Variants in PTPRD observed in about 807,000 individuals in gnomAD.
PTPRD encodes protein tyrosine phosphatase receptor type D.
In PTPRD, 34 loss-of-function variants were observed where a neutral mutation model predicts 214.5. The ratio of observed to expected loss-of-function variants is 0.16; its 90% CI spans 0.12 to 0.21. PTPRD has a LOEUF of 0.21. Ranked by LOEUF, PTPRD falls within the 10% of genes least tolerant of loss-of-function variation. The pLI, the probability that PTPRD is intolerant of heterozygous loss-of-function variation, is 1.00. For synonymous variants in PTPRD, 1,128 were observed against 845.7 expected (o/e 1.33, Z -5.79); for missense variants, 2,545 against 2,398.7 (o/e 1.06, Z -1.27).
chr9:8,548,830 G>C (rs1477152380), intron 14 of PTPRD, among the ~76,000 whole-genome samples: 3 of 151,494 alleles, frequency 2.0e-5, no homozygotes, highest in African/African-American at 7.3e-5. Flanking sequence ...GAGTAGCTGG[G>C]ATTACAGGCA....
At chr9:8,631,391 G>A (rs779108225) in intron 14 of PTPRD, among the ~76,000 whole-genome samples, 1 of 151,704 alleles carries the variant, frequency 6.6e-6, no homozygotes, top group East Asian at 1.9e-4. Context: ...TGATGGTTGG[G>A]CTTACTGTCG....
chr9:8,782,458 A>G lies in PTPRD; in HGVS notation c.-103-48512T>C, dbSNP rs550495820. ...TCTCCTGAACTTACTCCTCCTATCT[A>G]ACTGTAATTTTATATCCTCAATTTC... On this transcript the variant is annotated intron_variant, in intron 11 of 45. Transcript: ENST00000381196. Among the ~76,000 whole-genome samples the G allele has an allele frequency of 2.3e-4, 35 of 152,198 alleles. No individual in the cohort carries two copies. The South Asian group carries it at 6.6e-3, about 29-fold the overall frequency.
At chr9:9,735,706 T>C (rs941340042) in intron 6 of PTPRD, among the ~76,000 whole-genome samples, 10 of 152,084 alleles carry the variant, frequency 6.6e-5, no homozygotes, top group African/African-American at 2.2e-4. Context: ...GTCATATTAT[T>C]AGAGACCTTA....
intron 5 of PTPRD, among the ~76,000 whole-genome samples, chr9:9,874,971 C>G (rs1017354090): frequency 6.6e-6 from 1 of 152,050 alleles, no homozygotes; most frequent in Non-Finnish European, 1.5e-5. Context: ...AGCTTTTGTC[C>G]AATCATTTGA....
chr9:9,748,297 T>C (rs2154462129), intron 6 of PTPRD, among the ~76,000 whole-genome samples: 1 of 152,318 alleles, frequency 6.6e-6, no homozygotes, highest in Non-Finnish European at 1.5e-5. Flanking sequence ...CTTTGCATAT[T>C]TGCATGAATG....
At chr9:9,823,856 G>A (rs1056576200) in intron 5 of PTPRD, among the ~76,000 whole-genome samples, 1 of 151,978 alleles carries the variant, frequency 6.6e-6, no homozygotes, top group Non-Finnish European at 1.5e-5. Context: ...AAAATAATTA[G>A]AGGAGCAAAT....
At chr9:9,529,570 A>C (rs930093961) in intron 8 of PTPRD, among the ~76,000 whole-genome samples, 1 of 152,158 alleles carries the variant, frequency 6.6e-6, no homozygotes, top group African/African-American at 2.4e-5. Flanking sequence ...ACAAAACCAC[A>C]GAAAATCACA....
intron 39 of PTPRD, among the ~76,000 whole-genome samples, chr9:8,366,688 C>T (rs1269322094): frequency 2.0e-5 from 3 of 151,968 alleles, no homozygotes; most frequent in African/African-American, 7.3e-5. Flanking sequence ...TATCTTTGGC[C>T]TCCATTAAAC....
chr9:8,815,009 T>C (rs1346566664), intron 11 of PTPRD, among the ~76,000 whole-genome samples: 4 of 152,198 alleles, frequency 2.6e-5, no homozygotes, highest in African/African-American at 9.6e-5. Context: ...TTCTCAACTA[T>C]AGCCAAATCT....
intron 2 of PTPRD, among the ~76,000 whole-genome samples, chr9:10,350,672 A>G (rs2097166614): frequency 6.6e-6 from 1 of 152,190 alleles, no homozygotes; most frequent in Admixed American, 6.5e-5. Flanking sequence ...AAAACAGTCT[A>G]TACTGTATTA....
intron 3 of PTPRD, among the ~76,000 whole-genome samples, chr9:10,312,877 T>C (rs946419059): frequency 2.6e-5 from 4 of 151,938 alleles, no homozygotes; most frequent in Non-Finnish European, 4.4e-5. Context: ...ATATAAAATT[T>C]CTTGTCATCT....
chr9:9,497,279 AAAAT>A (rs1190031571), intron 8 of PTPRD, among the ~76,000 whole-genome samples: 1 of 152,160 alleles, frequency 6.6e-6, no homozygotes, highest in Non-Finnish European at 1.5e-5. Flanking sequence ...CTCAATTTAA[AAAAT>A]AAAGTAAATG....
intron 3 of PTPRD, among the ~76,000 whole-genome samples, chr9:10,132,066 A>G (rs1205048394): frequency 2.6e-5 from 4 of 152,182 alleles, no homozygotes; most frequent in Non-Finnish European, 1.5e-5. Flanking sequence ...TAAATAAAAA[A>G]TATTGAGGCA....
At chr9:9,972,557 A>C (rs1389479493) in intron 4 of PTPRD, among the ~76,000 whole-genome samples, 1 of 152,232 alleles carries the variant, frequency 6.6e-6, no homozygotes, top group Admixed American at 6.5e-5. Context: ...TATTGCTACC[A>C]TAATACATTA....
chr9:8,755,299 G>A (rs1278175446), intron 11 of PTPRD, among the ~76,000 whole-genome samples: 1 of 151,718 alleles, frequency 6.6e-6, no homozygotes, highest in East Asian at 1.9e-4. Context: ...GGAGGCCGAG[G>A]TGGACGGATC....
chr9:8,721,027 T>C (rs937635660), intron 12 of PTPRD, among the ~76,000 whole-genome samples: 2 of 150,316 alleles, frequency 1.3e-5, no homozygotes, highest in Non-Finnish European at 2.9e-5. Context: ...GGTCATCTAC[T>C]CTGACCCTTG....
At chr9:8,463,654 C>G (rs1249380794) in intron 32 of PTPRD, among the ~76,000 whole-genome samples, 1 of 151,864 alleles carries the variant, frequency 6.6e-6, no homozygotes, top group Non-Finnish European at 1.5e-5. Flanking sequence ...ATGATACCAG[C>G]CTAATGAAAA....
chr9:10,103,376 A>ATT (rs2098584117), intron 3 of PTPRD, among the ~76,000 whole-genome samples: 1 of 82,462 alleles, frequency 1.2e-5, no homozygotes, highest in African/African-American at 5.7e-5. Context: ...TAAACTGCAT[A>ATT]TTATATATAT....
intron 35 of PTPRD, among the ~76,000 whole-genome samples, chr9:8,419,108 C>G (rs1181683062): frequency 6.6e-6 from 1 of 151,548 alleles, no homozygotes; most frequent in Non-Finnish European, 1.5e-5. Context: ...GTAGTCCCAG[C>G]TACTTGGGAG....
Sources: gnomAD v4.1 joint callset for allele counts (sites outside exome capture counted in the v4.1 genomes callset) on GRCh38, gnomAD v4.1.1 for gene constraint, MANE v1.5 for transcripts, NCBI Gene and HGNC (gene_info 2026-07-23, HGNC 2026-07-21) for gene names.